Variants in COL24A1 observed in about 807,000 individuals in gnomAD.
COL24A1 encodes collagen type XXIV alpha 1 chain, also known as collagen alpha-1(XXIV) chain.
Under a neutral mutation model 253.9 loss-of-function variants are expected in COL24A1, and 224 were observed. That is an observed-to-expected ratio of 0.88 (90% CI 0.79 to 0.99). The LOEUF is 0.99. Among genes scored for constraint, COL24A1 ranks in the 50% least tolerant of loss-of-function variants. The pLI, the probability that COL24A1 is intolerant of heterozygous loss-of-function variation, is 0.00. For missense variants in COL24A1, 2,131 were observed against 2,068.5 expected, an observed-to-expected ratio of 1.03 and a Z score of -0.59; for synonymous variants, 685 against 673.7, an observed-to-expected ratio of 1.02 and a Z score of -0.26.
At chr1:86,105,751 G>A (rs1704921551) in intron 5 of COL24A1, among the ~76,000 whole-genome samples, 1 of 152,204 alleles carries the variant, frequency 6.6e-6, no homozygotes, top group Admixed American at 6.5e-5. Context: ...CCCTGTCAAT[G>A]AAGTGGCTGT....
At chr1:85,914,320 G>A (rs1222908003) in intron 24 of COL24A1, among the ~76,000 whole-genome samples, 1 of 151,028 alleles carries the variant, frequency 6.6e-6, no homozygotes, top group South Asian at 2.1e-4. Flanking sequence ...GTGTGTGTGT[G>A]TGTGTGTGTG....
chr1:86,005,289 C>G (rs1325084793), intron 19 of COL24A1, among the ~76,000 whole-genome samples: 1 of 151,930 alleles, frequency 6.6e-6, no homozygotes, highest in African/African-American at 2.4e-5. Context: ...AATATACCAT[C>G]TTGTCAAGAA....
intron 7 of COL24A1, among the ~76,000 whole-genome samples, chr1:86,071,548 A>G (rs894043650): frequency 7.2e-5 from 11 of 152,176 alleles, no homozygotes; most frequent in Admixed American, 2.0e-4. Flanking sequence ...TAAAGGGATA[A>G]AAAAAGATAT....
intron 28 of COL24A1, among the ~76,000 whole-genome samples, chr1:85,900,876 C>A (rs564709912): frequency 6.6e-6 from 1 of 152,036 alleles, no homozygotes; most frequent in East Asian, 1.9e-4. Flanking sequence ...AAGAATTAAA[C>A]CCTTATTTAG....
chr1:85,833,625 C>T (rs185262146), intron 43 of COL24A1, among the ~76,000 whole-genome samples: 5 of 152,200 alleles, frequency 3.3e-5, no homozygotes, highest in Admixed American at 2.6e-4. Context: ...GGTATATACC[C>T]AAAGGATTAT....
chr1:86,152,197 A>C (rs1652868560), intron 1 of COL24A1, among the ~76,000 whole-genome samples: 1 of 152,166 alleles, frequency 6.6e-6, no homozygotes, highest in African/African-American at 2.4e-5. Context: ...CTATTAATTC[A>C]ACTCAGGTGG....
At position 85,847,691 on chromosome 1, in the gene COL24A1, C is replaced by A. The variant is rs554892683; in HGVS notation, c.3436G>T (p.Gly1146Cys). Reference sequence around the variant, plus strand: ...ACAGCACCTCTAGTTCCTCTGGCACCCTTAGGACCACTTTTCCCAATTTTT... The same window carrying A: ...ACAGCACCTCTAGTTCCTCTGGCACACTTAGGACCACTTTTCCCAATTTTT... ...PGKIGKSGPK[G>C]ARGTRGAVGH... Residue 1146 changes from glycine to cysteine, a missense_variant, in exon 39 of 60, where the codon GGT becomes TGT. Transcript: ENST00000370571. 13 of 1,613,652 alleles carry A rather than the reference C, an allele frequency of 8.1e-6. No homozygotes were observed. The African/African-American group carries it at 1.5e-4, about 18-fold the overall frequency.
At chr1:85,881,908 A>G (rs1402376651) in intron 32 of COL24A1, among the ~76,000 whole-genome samples, 1 of 151,630 alleles carries the variant, frequency 6.6e-6, no homozygotes, top group African/African-American at 2.4e-5. Context: ...TTTCTTTTAT[A>G]GTTTCCTAGG....
At chr1:85,927,292 C>A (rs536906480) in intron 24 of COL24A1, among the ~76,000 whole-genome samples, 68 of 152,284 alleles carry the variant, frequency 4.5e-4, no homozygotes, top group African/African-American at 1.5e-3. Context: ...TCAGGGAGTT[C>A]CCTTTCCGAG....
chr1:86,145,869 ACTT>A (rs1651806982), intron 2 of COL24A1, among the ~76,000 whole-genome samples: 1 of 152,040 alleles, frequency 6.6e-6, no homozygotes, highest in South Asian at 2.1e-4. Context: ...ATTGTACAAA[ACTT>A]CTTTTTTATA....
chr1:86,075,183 G>C (rs1702162188), intron 7 of COL24A1, among the ~76,000 whole-genome samples: 1 of 151,962 alleles, frequency 6.6e-6, no homozygotes, highest in African/African-American at 2.4e-5. Context: ...GAATCAAATA[G>C]ACACAATAAA....
At chr1:86,155,943 G>A (rs77015544) in intron 1 of COL24A1, 2,875 of 176,284 alleles carry the variant, frequency 0.016, 90 homozygotes, top group African/African-American at 0.064. Flanking sequence ...GAAGCACCTC[G>A]GGGAAGCAGG....
At chr1:86,055,119 A>G (rs568361992) in intron 10 of COL24A1, among the ~76,000 whole-genome samples, 105 of 152,272 alleles carry the variant, frequency 6.9e-4, no homozygotes, top group Non-Finnish European at 1.4e-3. Context: ...AAGACAGGAA[A>G]AATAAACACT....
chr1:85,854,379 G>A (rs1030576945), intron 37 of COL24A1, among the ~76,000 whole-genome samples: 12 of 152,148 alleles, frequency 7.9e-5, no homozygotes, highest in African/African-American at 2.4e-4. Flanking sequence ...TTGTAGTATA[G>A]TTTGAAGTCA....
chr1:86,100,049 C>T (rs900112558), intron 5 of COL24A1, among the ~76,000 whole-genome samples: 1 of 152,070 alleles, frequency 6.6e-6, no homozygotes, highest in Admixed American at 6.6e-5. Flanking sequence ...TATTGCGGCA[C>T]TATTCACAAT....
At chr1:85,759,916 A>G (rs528896904) in intron 55 of COL24A1, among the ~76,000 whole-genome samples, 165 of 152,316 alleles carry the variant, frequency 1.1e-3, no homozygotes, top group African/African-American at 3.6e-3. Flanking sequence ...CTTTCTTGAG[A>G]AGGGAGCTAT....
chr1:86,089,252 A>G, intron 6 of COL24A1, 25 bp from the exon 7 acceptor site: 1 of 1,545,150 alleles, frequency 6.5e-7, no homozygotes, highest in Non-Finnish European at 8.7e-7. Context: ...CAGACGTTTA[A>G]TGTCATGAAA....
chr1:85,908,000 T>C (rs1345905082), intron 27 of COL24A1, among the ~76,000 whole-genome samples: 1 of 151,766 alleles, frequency 6.6e-6, no homozygotes. Context: ...GGGCTTATTT[T>C]TAAAACAGAA....
At chr1:85,838,141 T>C (rs1386087952) in intron 43 of COL24A1, among the ~76,000 whole-genome samples, 1 of 152,036 alleles carries the variant, frequency 6.6e-6, no homozygotes, top group Non-Finnish European at 1.5e-5. Flanking sequence ...AACTTTGTGT[T>C]CTAGAAATTG....
Sources: allele counts gnomAD v4.1 joint callset (sites outside exome capture counted in the v4.1 genomes callset), GRCh38; gene constraint gnomAD v4.1.1; transcripts MANE v1.5; gene names NCBI Gene and HGNC (gene_info 2026-07-23, HGNC 2026-07-21).